Variants in MYO3A observed in about 807,000 individuals in gnomAD.
MYO3A encodes the protein myosin IIIA, also known as myosin-IIIa.
A neutral mutation model predicts 192.7 loss-of-function variants in MYO3A; 180 were observed. The observed-to-expected ratio is 0.93, with a 90% confidence interval of 0.83 to 1.06. The LOEUF is 1.06. MYO3A is among the 50% of genes least tolerant of loss of function. The pLI is 0.00. For synonymous variants in MYO3A, 628 were observed against 645.3 expected (o/e 0.97, Z 0.41); for missense variants, 1,896 against 1,905.0 (o/e 1.00, Z 0.09).
chr10:25,951,882 T>C (rs1837228164), intron 2 of MYO3A, among the ~76,000 whole-genome samples: 1 of 152,178 alleles, frequency 6.6e-6, no homozygotes, highest in African/African-American at 2.4e-5. Context: ...GACATAGAAA[T>C]AAAGCCCTGC....
chr10:26,139,485 C>T (rs1000416688), intron 20 of MYO3A, among the ~76,000 whole-genome samples: 13 of 151,990 alleles, frequency 8.6e-5, no homozygotes, highest in African/African-American at 1.2e-4. Flanking sequence ...GTGATCTGCC[C>T]GCCTCAGCCT....
At chr10:26,109,504 T>G (rs1838028049) in intron 17 of MYO3A, among the ~76,000 whole-genome samples, 1 of 152,184 alleles carries the variant, frequency 6.6e-6, no homozygotes, top group Non-Finnish European at 1.5e-5. Context: ...CTTAGCCAAT[T>G]AGTAACCCTG....
intron 11 of MYO3A, among the ~76,000 whole-genome samples, chr10:26,068,445 C>G (rs1347419321): frequency 6.6e-6 from 1 of 152,100 alleles, no homozygotes; most frequent in Non-Finnish European, 1.5e-5. Flanking sequence ...CTCTTTACTT[C>G]GTTTTTAATC....
At chr10:26,109,318 A>G (rs1838014983) in intron 17 of MYO3A, among the ~76,000 whole-genome samples, 2 of 152,248 alleles carry the variant, frequency 1.3e-5, no homozygotes, top group South Asian at 4.1e-4. Flanking sequence ...CACTTTCTGC[A>G]ATCCCAGTTA....
intron 31 of MYO3A, among the ~76,000 whole-genome samples, chr10:26,188,207 CA>C (rs1842953589): frequency 6.6e-6 from 1 of 152,218 alleles, no homozygotes; most frequent in Non-Finnish European, 1.5e-5. Context: ...GGTGGTATCT[CA>C]TTGTGGTTTT....
intron 4 of MYO3A, among the ~76,000 whole-genome samples, chr10:25,959,429 A>G (rs1837779315): frequency 6.6e-6 from 1 of 152,160 alleles, no homozygotes; most frequent in Non-Finnish European, 1.5e-5. Context: ...TCTCCTGAGC[A>G]GTCCACACTT....
chr10:26,079,708 G>T (rs1835802860), intron 14 of MYO3A, among the ~76,000 whole-genome samples: 1 of 152,128 alleles, frequency 6.6e-6, no homozygotes, highest in South Asian at 2.1e-4. Context: ...TTATAGTGGT[G>T]GCTTGGTAAT....
chr10:25,938,227 C>T (rs748068650), intron 2 of MYO3A, among the ~76,000 whole-genome samples: 3 of 152,098 alleles, frequency 2.0e-5, no homozygotes, highest in Admixed American at 6.5e-5. Context: ...GTATGAGAGA[C>T]GTTCAAACCA....
intron 10 of MYO3A, among the ~76,000 whole-genome samples, chr10:26,045,106 G>A (rs1843562019): frequency 6.6e-6 from 1 of 152,298 alleles, no homozygotes; most frequent in Admixed American, 6.5e-5. Context: ...GGAGCAGCAA[G>A]AACACCCAGA....
chr10:25,952,409 A>G, intron 3 of MYO3A, 131 bp downstream of exon 3: 5 of 1,085,872 alleles, frequency 4.6e-6, no homozygotes, highest in Non-Finnish European at 6.6e-6. Flanking sequence ...AGATAAATGT[A>G]AAAGAGAAGT....
chr10:25,997,887 C>T (rs1347326226), intron 6 of MYO3A, among the ~76,000 whole-genome samples: 1 of 152,062 alleles, frequency 6.6e-6, no homozygotes, highest in African/African-American at 2.4e-5. Flanking sequence ...TATCTCTGGA[C>T]CTTTTGTTAT....
At chr10:26,018,559 T>C (rs1031610488) in intron 7 of MYO3A, among the ~76,000 whole-genome samples, 2 of 152,186 alleles carry the variant, frequency 1.3e-5, no homozygotes, top group African/African-American at 2.4e-5. Context: ...AAATTCTTGA[T>C]TGGCATGTTT....
chr10:26,002,019 A>T (rs1322561762), intron 6 of MYO3A, among the ~76,000 whole-genome samples: 1 of 152,132 alleles, frequency 6.6e-6, no homozygotes, highest in Non-Finnish European at 1.5e-5. Flanking sequence ...TGGAGAAAAC[A>T]CTTTTATCCA....
chr10:26,106,611 TA>T (rs1430847211), intron 17 of MYO3A, among the ~76,000 whole-genome samples: 4 of 152,240 alleles, frequency 2.6e-5, no homozygotes, highest in African/African-American at 9.6e-5. Context: ...AGTGTTTTGC[TA>T]TTTTTTTGGA....
intron 14 of MYO3A, among the ~76,000 whole-genome samples, chr10:26,087,625 A>C (rs1331181512): frequency 3.9e-5 from 6 of 152,190 alleles, no homozygotes; most frequent in African/African-American, 1.4e-4. Flanking sequence ...AATGGAACAT[A>C]CTTCTTTGAG....
At chr10:26,072,789 C>T (rs1452982782) in intron 14 of MYO3A, among the ~76,000 whole-genome samples, 2 of 152,096 alleles carry the variant, frequency 1.3e-5, no homozygotes, top group African/African-American at 4.8e-5. Flanking sequence ...AGTGGTACAG[C>T]CACTTTGGAA....
At chr10:26,054,132 C>A (rs944154291) in intron 10 of MYO3A, among the ~76,000 whole-genome samples, 7 of 146,820 alleles carry the variant, frequency 4.8e-5, no homozygotes, top group African/African-American at 1.7e-4. Context: ...TTATAAGAGA[C>A]CTTACTTTGA....
At chr10:26,006,121 C>T (rs1196700856) in intron 6 of MYO3A, among the ~76,000 whole-genome samples, 2 of 151,938 alleles carry the variant, frequency 1.3e-5, no homozygotes, top group African/African-American at 4.8e-5. Flanking sequence ...ACTAGATGCC[C>T]CAACTAGCTA....
chr10:26,045,642 C>A (rs1419826869), intron 10 of MYO3A, among the ~76,000 whole-genome samples: 1 of 152,128 alleles, frequency 6.6e-6, no homozygotes. Context: ...GTCTCAGAAG[C>A]AGTCCTCAGG....
Sources: allele counts gnomAD v4.1 joint callset (sites outside exome capture counted in the v4.1 genomes callset), GRCh38; gene constraint gnomAD v4.1.1; transcripts MANE v1.5; gene names NCBI Gene and HGNC (gene_info 2026-07-23, HGNC 2026-07-21).